The following FABP6 variants were observed in gnomAD, a reference collection of about 807,000 sequenced individuals.
FABP6 encodes the protein fatty acid binding protein 6, also known as gastrotropin.
Under a neutral mutation model 14.9 loss-of-function variants are expected in FABP6, and 13 were observed. The observed-to-expected ratio is 0.87, with a 90% confidence interval of 0.57 to 1.39. The LOEUF is 1.39. FABP6 is among the 40% of genes most tolerant of loss of function. FABP6 has a pLI of 0.00. For missense variants in FABP6, 161 were observed against 167.2 expected, an observed-to-expected ratio of 0.96 and a Z score of 0.20; for synonymous variants, 75 against 63.6, an observed-to-expected ratio of 1.18 and a Z score of -0.85.
At chr5:160,234,326 T>C (rs1250094692) in intron 2 of FABP6, among the ~76,000 whole-genome samples, 1 of 151,074 alleles carries the variant, frequency 6.6e-6, no homozygotes, top group Non-Finnish European at 1.5e-5. Context: ...TCTCTTGCTG[T>C]CCTGCCCAGT....
intron 2 of FABP6, among the ~76,000 whole-genome samples, chr5:160,212,774 T>A (rs1327147314): frequency 6.6e-6 from 1 of 152,110 alleles, no homozygotes; most frequent in African/African-American, 2.4e-5. Flanking sequence ...CGGCCACAAC[T>A]GGCTAATTTT....
chr5:160,191,776 A>G (rs1759399331), intron 1 of FABP6, among the ~76,000 whole-genome samples: 1 of 147,066 alleles, frequency 6.8e-6, no homozygotes, highest in Admixed American at 6.9e-5. Flanking sequence ...CCTGGCTAAC[A>G]TGGTGAAACC....
rs10692189 is a variant in FABP6 at position 160,218,461 on chromosome 5, CTTTT to C, written c.135+4656_135+4659del. Among the ~76,000 whole-genome samples the C allele has an allele frequency of 2.6e-5, 3 of 116,412 alleles. No homozygotes were observed. In the South Asian group the frequency reaches 8.1e-4, roughly 32 times the overall value. The allele number at this position is 116,412 out of a possible 152,430, so 76.4% of individuals were successfully genotyped here. Reference sequence around the variant, plus strand: ...TGGATTTTCTTATCTTAGTCTTTGACTTTTTTTTTTTTTTTTTGAGATGGAGTCT... The same window carrying C: ...TGGATTTTCTTATCTTAGTCTTTGACTTTTTTTTTTTTTGAGATGGAGTCT... On this transcript the variant is annotated intron_variant, in intron 3 of 6. Transcript: ENST00000393980.
At chr5:160,220,992 G>A (rs1760117633) in intron 3 of FABP6, among the ~76,000 whole-genome samples, 1 of 151,726 alleles carries the variant, frequency 6.6e-6, no homozygotes, top group Non-Finnish European at 1.5e-5. Flanking sequence ...GGGAGGCTAA[G>A]GCAGGAGAGT....
chr5:160,189,770 G>A (rs1400347359), intron 1 of FABP6, among the ~76,000 whole-genome samples: 2 of 152,168 alleles, frequency 1.3e-5, no homozygotes, highest in Admixed American at 6.6e-5. Flanking sequence ...GAGCATAGTT[G>A]TGGGAATGAA....
chr5:160,206,741 C>T (rs2113092222), intron 2 of FABP6, among the ~76,000 whole-genome samples: 1 of 152,178 alleles, frequency 6.6e-6, no homozygotes, highest in Middle Eastern at 3.4e-3. Context: ...CTATGAGCAC[C>T]CAGGACTGAA....
chr5:160,199,251 C>T (rs1759578716), intron 2 of FABP6: 6 of 1,300,682 alleles, frequency 4.6e-6, no homozygotes, highest in South Asian at 1.2e-5. Flanking sequence ...GGGACTTGCT[C>T]GCCTTTCTCT....
chr5:160,233,748 C>T (rs1208130364), intron 2 of FABP6, among the ~76,000 whole-genome samples: 1 of 152,016 alleles, frequency 6.6e-6, no homozygotes, highest in Non-Finnish European at 1.5e-5. Context: ...TGGCCGGTGC[C>T]TGTAATCCCA....
chr5:160,188,183 C>A (rs1486230794), intron 1 of FABP6, among the ~76,000 whole-genome samples: 1 of 152,012 alleles, frequency 6.6e-6, no homozygotes, highest in African/African-American at 2.4e-5. Context: ...GGCGGGAAGC[C>A]CTGGTGGAAT....
At chr5:160,222,626 G>A (rs1302037423) in intron 3 of FABP6, among the ~76,000 whole-genome samples, 6 of 152,144 alleles carry the variant, frequency 3.9e-5, no homozygotes. Flanking sequence ...GAGCCACCAT[G>A]CCCGGCCACA....
chr5:160,232,353 C>T (rs143036892), intron 2 of FABP6, 80 bp downstream of exon 2: 45 of 1,388,528 alleles, frequency 3.2e-5, no homozygotes, highest in African/African-American at 3.2e-4. Context: ...TCCCCGCTCC[C>T]GAGCTGAGGC....
intron 3 of FABP6, among the ~76,000 whole-genome samples, chr5:160,236,467 T>C (rs1016901946): frequency 6.6e-6 from 1 of 152,110 alleles, no homozygotes; most frequent in African/African-American, 2.4e-5. Context: ...GCGCAGTCCA[T>C]AAGATGGCCC....
At chr5:160,202,671 T>A (rs889918545) in intron 2 of FABP6, among the ~76,000 whole-genome samples, 1 of 151,626 alleles carries the variant, frequency 6.6e-6, no homozygotes, top group Non-Finnish European at 1.5e-5. Flanking sequence ...AGGCGTGGTG[T>A]CAGGCGCCTG....
At chr5:160,218,096 G>C (rs1023849673) in intron 3 of FABP6, among the ~76,000 whole-genome samples, 18 of 152,122 alleles carry the variant, frequency 1.2e-4, no homozygotes, top group African/African-American at 3.9e-4. Context: ...AGGCCACCAT[G>C]CCTAGCTTAG....
chr5:160,199,691 C>T (rs758733664), intron 2 of FABP6, among the ~76,000 whole-genome samples: 1 of 152,232 alleles, frequency 6.6e-6, no homozygotes, highest in Non-Finnish European at 1.5e-5. Flanking sequence ...CCTCCTTCGT[C>T]TCCATTAGCA....
At chr5:160,219,230 A>G (rs1396420247) in intron 3 of FABP6, among the ~76,000 whole-genome samples, 1 of 152,090 alleles carries the variant, frequency 6.6e-6, no homozygotes, top group East Asian at 1.9e-4. Context: ...GCTCCTCCTC[A>G]CCCATGGACT....
Position 160,229,589 on chromosome 5 carries a change from G to C in FABP6, c.32G>C (p.Ser11Thr), listed in dbSNP as rs1315268115. 1.2e-6 allele frequency: 2 copies of C among 1,614,058 alleles called. No individual in the cohort carries two copies. Residue 11 changes from serine (S) to threonine (T), a missense_variant, in exon 1 of 4, where the codon AGT becomes ACT. Coordinates refer to ENST00000402432, the MANE Select transcript of FABP6 (RefSeq NM_001445.3). Reference sequence around the variant, plus strand: ...TTCACCGGCAAGTTCGAGATGGAGAGTGAGAAGAATTATGATGAGTTCATG... The same window carrying C: ...TTCACCGGCAAGTTCGAGATGGAGACTGAGAAGAATTATGATGAGTTCATG... Reference protein sequence around the residue: MAFTGKFEMESEKNYDEFMKL... With the variant: MAFTGKFEMETEKNYDEFMKL...
At chr5:160,196,176 C>G (rs960035696) in intron 1 of FABP6, among the ~76,000 whole-genome samples, 2 of 152,224 alleles carry the variant, frequency 1.3e-5, no homozygotes, top group African/African-American at 4.8e-5. Context: ...CTTGATGATG[C>G]CTGGGGAGCC....
At chr5:160,199,105 C>A (rs756666320) in exon 2 of FABP6, 2 of 1,613,920 alleles carry the variant, frequency 1.2e-6, no homozygotes, top group African/African-American at 1.3e-5. Context: ...AGCCCAGAGG[C>A]GATGAAGACA....
Sources: gnomAD v4.1 joint callset for allele counts (sites outside exome capture counted in the v4.1 genomes callset) on GRCh38, gnomAD v4.1.1 for gene constraint, MANE v1.5 for transcripts, NCBI Gene and HGNC (gene_info 2026-07-23, HGNC 2026-07-21) for gene names.